HSPH1: variants seen among roughly 807,000 people sequenced by gnomAD.
The protein encoded by HSPH1 is heat shock protein family H (Hsp110) member 1.
HSPH1 carries 40 observed loss-of-function variants against 100.0 expected under a neutral mutation model. The ratio of observed to expected loss-of-function variants is 0.40; its 90% CI spans 0.31 to 0.52. HSPH1 has a LOEUF of 0.52. HSPH1 is among the 20% of genes least tolerant of loss of function. The probability of loss-of-function intolerance (pLI) is 0.54; values close to 1 mark genes in which losing one functional copy is unlikely to be tolerated. For missense variants in HSPH1, 876 were observed against 1,015.1 expected (o/e 0.86, Z 1.86); for synonymous variants, 403 against 344.0 (o/e 1.17, Z -1.90).
rs1404688588 is a variant in HSPH1, at chr13:31,137,220, A to C, written c.*98T>G. The C allele has an allele frequency of 1.2e-6, 1 of 811,976 alleles. No homozygotes were observed. The highest frequency in any genetic ancestry group is 2.0e-6 in the Non-Finnish European group (1 of 492,700). The allele number at this position is 811,976 out of a possible 1,614,324, so 50.3% of individuals were successfully genotyped here. On this transcript the variant is annotated 3_prime_UTR_variant, in exon 18 of 18. Coordinates refer to ENST00000320027, the MANE Select transcript of HSPH1 (RefSeq NM_006644.4). ...ATACACAAAATTTCTAAATATCCTT[A>C]AAAAAGAAAATATAAATAGTTTCAG...
At chr13:31,155,100 ATAT>A (rs1258656685) in intron 3 of HSPH1, among the ~76,000 whole-genome samples, 1 of 152,204 alleles carries the variant, frequency 6.6e-6, no homozygotes, top group Non-Finnish European at 1.5e-5. Flanking sequence ...ACTAGGATAA[ATAT>A]TATTGTGTGT....
intron 1 of HSPH1, among the ~76,000 whole-genome samples, chr13:31,160,530 A>G (rs1056098210): frequency 4.6e-5 from 7 of 152,200 alleles, no homozygotes; most frequent in Non-Finnish European, 1.0e-4. Context: ...AGATGAAATC[A>G]TTTGTTTTCA....
In HSPH1 at chr13:31,136,484, C is replaced by A. The variant is rs575768570; in HGVS notation, c.*834G>T. ...AATGTAATAAACATATGCTATTTTT[C>A]TGTCAGGAGAAAAACATTTTCACTT... On this transcript the variant is annotated 3_prime_UTR_variant, in exon 18 of 18. Transcript: ENST00000320027. 9 of 152,234 alleles carry A rather than the reference C, an allele frequency of 5.9e-5. No homozygotes were observed. In the East Asian group the frequency reaches 1.7e-3, roughly 29 times the overall value. The allele number at this position is 152,234 out of a possible 1,614,324, so 9.4% of individuals were successfully genotyped here.
At position 31,147,983 on chromosome 13, in the gene HSPH1, C is replaced by T. The variant is rs781236892; in HGVS notation, c.1354G>A (p.Val452Ile). ...LEAFYSDPQGVPYPEAKIGRF... is the reference protein window; with the variant it reads ...LEAFYSDPQGIPYPEAKIGRF... ...CCTATTTTTGCTTCTGGATATGGAA[C>T]TCCTTGGGGATCAGAATAGAAAGCT... Residue 452 changes from valine to isoleucine, a missense_variant, in exon 10 of 18, where the codon GTT (valine) becomes ATT (isoleucine). By Grantham distance (29) the Val-to-Ile change is conservative (BLOSUM62 3). Transcript: ENST00000320027. The T allele has an allele frequency of 6.3e-6, 10 of 1,597,252 alleles. No individual in the cohort carries two copies. In the South Asian group the frequency reaches 1.1e-4, roughly 18 times the overall value.
Position 31,148,245 on chromosome 13 carries a change from T to G in HSPH1, c.1244+129A>C, listed in dbSNP as rs1956341021. The G allele has an allele frequency of 4.8e-6, 5 of 1,050,244 alleles. No homozygotes were observed. In the South Asian group the frequency reaches 7.1e-5, roughly 15 times the overall value. 65.1% of individuals were successfully genotyped at this position (1,050,244 alleles called of 1,614,324 possible). ...GAGAGAAATATTTTGGTAGATTTGG[T>G]TGTTCAAAGATTCCAGGTAAATTAA... is the stretch of plus-strand genomic sequence containing the variant. On this transcript the variant is annotated intron_variant, in intron 9 of 17. Transcript: ENST00000320027.
At position 31,143,870 on chromosome 13, in the gene HSPH1, A is replaced by T; in HGVS notation, c.1638T>A (p.Thr546=). ...SEAGTQPQVQ[T]DAQQTSQSPP... is the part of the protein sequence containing the mutation. Reference sequence around the variant, plus strand: ...GAGACTGTGAGGTTTGTTGAGCATCAGTTTGTACCTGGGGCTGTGTTCCAG... The same window carrying T: ...GAGACTGTGAGGTTTGTTGAGCATCTGTTTGTACCTGGGGCTGTGTTCCAG... Residue 546 remains threonine, a synonymous_variant, in exon 12 of 18, where the codon ACT becomes ACA. Transcript: ENST00000320027. The T allele has an allele frequency of 6.2e-7, 1 of 1,611,724 alleles. No homozygotes were observed. The highest frequency in any genetic ancestry group is 2.2e-5 in the East Asian group (1 of 44,750).
chr13:31,148,731 C>A (rs561707879), intron 8 of HSPH1, among the ~76,000 whole-genome samples: 18 of 152,078 alleles, frequency 1.2e-4, no homozygotes, highest in African/African-American at 4.3e-4. Context: ...TAACAGGTTT[C>A]ACAGGGGATT....
chr13:31,156,291 G>A (rs1159592812), intron 2 of HSPH1, among the ~76,000 whole-genome samples: 1 of 152,148 alleles, frequency 6.6e-6, no homozygotes, highest in Non-Finnish European at 1.5e-5. Flanking sequence ...TCGGGAGGCT[G>A]AGGCAGGAGA....
chr13:31,156,729 A>C (rs1025782227), intron 2 of HSPH1, among the ~76,000 whole-genome samples: 10 of 152,242 alleles, frequency 6.6e-5, no homozygotes, highest in Non-Finnish European at 1.5e-5. Flanking sequence ...GTAATTCAAC[A>C]AGTTTCTAAG....
intron 7 of HSPH1, 39 bp downstream of exon 7, chr13:31,150,908 G>T: frequency 1.9e-6 from 3 of 1,568,730 alleles, no homozygotes; most frequent in South Asian, 2.4e-5. Context: ...AGTTTCAAAA[G>T]AAGTTCCATC....
intron 1 of HSPH1, among the ~76,000 whole-genome samples, chr13:31,159,641 T>C (rs903449443): frequency 6.6e-6 from 1 of 152,198 alleles, no homozygotes; most frequent in Admixed American, 6.5e-5. Flanking sequence ...AGAGGAGTTA[T>C]CTAATTCTGG....
At chr13:31,141,934 A>G (rs545621699) in intron 12 of HSPH1, among the ~76,000 whole-genome samples, 21 of 152,248 alleles carry the variant, frequency 1.4e-4, no homozygotes, top group African/African-American at 5.1e-4. Context: ...GACACATGCC[A>G]ATCATTTATG....
chr13:31,145,502 C>A lies in HSPH1; in HGVS notation c.1584+61G>T. 2.3e-6 allele frequency: 3 copies of A among 1,306,500 alleles called. No individual in the cohort carries two copies. The South Asian group carries it at 3.7e-5, about 16-fold the overall frequency. 80.9% of individuals were successfully genotyped at this position (1,306,500 alleles called of 1,614,324 possible). A position where few individuals can be genotyped will look rare whatever the true frequency, so the allele number is the denominator to read the frequency against. ...CATTTTAACCCTTCCCTACCCAATT[C>A]TCCTATAGCTTAGAACTAAGTCAAC... On this transcript the variant is annotated intron_variant, in intron 11 of 17. Coordinates refer to ENST00000320027, the MANE Select transcript of HSPH1 (RefSeq NM_006644.4).
At chr13:31,158,998 A>G (rs1210029042) in intron 1 of HSPH1, 135 bp from the exon 2 acceptor site, 2 of 568,572 alleles carry the variant, frequency 3.5e-6, no homozygotes, top group Non-Finnish European at 6.3e-6. Flanking sequence ...TAAGGTCTAT[A>G]GCTTTCATCA....
chr13:31,141,380 G>A, intron 12 of HSPH1, 121 bp from the exon 13 acceptor site: 2 of 803,522 alleles, frequency 2.5e-6, no homozygotes, highest in Non-Finnish European at 3.8e-6. Flanking sequence ...AAATCATAAA[G>A]TTGGAAGGAT....
intron 1 of HSPH1, among the ~76,000 whole-genome samples, chr13:31,161,010 C>CG (rs1956882005): frequency 6.6e-6 from 1 of 152,224 alleles, no homozygotes; most frequent in South Asian, 2.1e-4. Flanking sequence ...CCGGCAGCCC[C>CG]GCTCCGCGGT....
intron 10 of HSPH1, among the ~76,000 whole-genome samples, chr13:31,147,127 GC>G (rs1308335768): frequency 5.9e-5 from 9 of 152,110 alleles, no homozygotes; most frequent in Non-Finnish European, 1.0e-4. Flanking sequence ...AAAATTAGAT[GC>G]CATGCCAAAG....
At chr13:31,162,078 A>T, upstream of HSPH1, 1 of 1,536,090 alleles carries the variant, frequency 6.5e-7, no homozygotes, top group South Asian at 1.2e-5. Flanking sequence ...TCCCCGGAGA[A>T]CGGCCGCCGT....
chr13:31,142,054 T>C (rs1361660698), intron 12 of HSPH1, among the ~76,000 whole-genome samples: 1 of 152,000 alleles, frequency 6.6e-6, no homozygotes, highest in African/African-American at 2.4e-5. Context: ...TTCCTACTAA[T>C]ACAAAAATGA....
Sources: gnomAD v4.1 joint callset for allele counts (sites outside exome capture counted in the v4.1 genomes callset) on GRCh38, gnomAD v4.1.1 for gene constraint, MANE v1.5 for transcripts, NCBI Gene and HGNC (gene_info 2026-07-23, HGNC 2026-07-21) for gene names.